The following NME7 variants were observed in gnomAD, a reference collection of about 807,000 sequenced individuals.
NME7 encodes the protein nucleoside diphosphate kinase 7.
In NME7, 41 loss-of-function variants were observed where a neutral mutation model predicts 49.1. The observed-to-expected ratio is 0.83, with a 90% CI of 0.65 to 1.08. The LOEUF is 1.08. Ranked by LOEUF, NME7 falls within the 50% of genes least tolerant of loss-of-function variation. The pLI is 0.00. For missense variants in NME7, 423 were observed against 463.4 expected, an observed-to-expected ratio of 0.91 and a Z score of 0.80; for synonymous variants, 139 against 150.6, an observed-to-expected ratio of 0.92 and a Z score of 0.56.
intron 11 of NME7, 66 bp from the exon 12 acceptor site, chr1:169,132,883 C>G (rs896786898): frequency 7.2e-7 from 1 of 1,385,940 alleles, no homozygotes; most frequent in Non-Finnish European, 1.0e-6. Flanking sequence ...TTAACAGAGT[C>G]CAAGAGGTTG....
chr1:169,297,832 G>A (rs1438858327), intron 6 of NME7, among the ~76,000 whole-genome samples: 1 of 152,166 alleles, frequency 6.6e-6, no homozygotes, highest in African/African-American at 2.4e-5. Flanking sequence ...GGAGGCTATT[G>A]TAGCAGTTCT....
At chr1:169,334,983 T>G (rs1652401755) in intron 1 of NME7, among the ~76,000 whole-genome samples, 1 of 152,092 alleles carries the variant, frequency 6.6e-6, no homozygotes, top group South Asian at 2.1e-4. Flanking sequence ...TCACTAATCA[T>G]CAGAGAAATG....
chr1:169,135,536 A>C (rs575943464), intron 11 of NME7, among the ~76,000 whole-genome samples: 2 of 152,348 alleles, frequency 1.3e-5, no homozygotes, highest in East Asian at 3.9e-4. Context: ...TTGAGTGAAT[A>C]AAGTGATCTT....
chr1:169,298,877 T>A, intron 5 of NME7, 114 bp from the exon 6 acceptor site: 1 of 903,720 alleles, frequency 1.1e-6, no homozygotes, highest in Non-Finnish European at 1.6e-6. Flanking sequence ...AATATTATAA[T>A]CTTAGAACCA....
rs554776000 is a variant in NME7 at position 169,172,700 on chromosome 1, C to T, written c.991-3146G>A. On this transcript the variant is annotated intron_variant, in intron 10 of 11. Transcript: ENST00000367811. ...TCCCCAGTGTGGCATTCAAGGTCCT[C>T]CCCATTCTTGCCTAAATCTACCTCA... Among the ~76,000 whole-genome samples the T allele has an allele frequency of 3.3e-5, 5 of 152,282 alleles. 1 individual carries two copies. Among genetic ancestry groups the T allele is most frequent in the African/African-American group, 1.2e-4 (5 of 41,556 alleles).
chr1:169,200,679 A>G (rs1407141833), intron 10 of NME7, among the ~76,000 whole-genome samples: 3 of 152,130 alleles, frequency 2.0e-5, no homozygotes, highest in Non-Finnish European at 2.9e-5. Context: ...CCTACAGTCC[A>G]CTGAAATTAT....
chr1:169,358,847 A>T (rs1653552423), intron 1 of NME7, among the ~76,000 whole-genome samples: 1 of 152,122 alleles, frequency 6.6e-6, no homozygotes, highest in African/African-American at 2.4e-5. Flanking sequence ...TTTTGGGAGT[A>T]GTCTGGCAAT....
intron 1 of NME7, among the ~76,000 whole-genome samples, chr1:169,352,853 T>C (rs1442407997): frequency 1.3e-5 from 2 of 151,866 alleles, no homozygotes; most frequent in African/African-American, 4.8e-5. Context: ...ACAAAAGAAG[T>C]GAAAGATTTA....
At chr1:169,240,620 T>C (rs545833349) in intron 7 of NME7, among the ~76,000 whole-genome samples, 1 of 152,168 alleles carries the variant, frequency 6.6e-6, no homozygotes, top group East Asian at 1.9e-4. Flanking sequence ...AATGAAACTA[T>C]GATATGACTC....
chr1:169,303,074 A>C (rs1412295062), intron 5 of NME7, 71 bp downstream of exon 5: 1 of 1,004,458 alleles, frequency 1.0e-6, no homozygotes, highest in East Asian at 2.7e-5. Flanking sequence ...AATAAATTTT[A>C]CAAATGTAAC....
At chr1:169,342,915 A>AG (rs1652814242) in intron 1 of NME7, among the ~76,000 whole-genome samples, 1 of 93,918 alleles carries the variant, frequency 1.1e-5, no homozygotes, top group African/African-American at 4.3e-5. Context: ...TATATAGTGT[A>AG]TATATATATA....
At chr1:169,168,745 A>G (rs1391318304) in intron 11 of NME7, 1 of 398,050 alleles carries the variant, frequency 2.5e-6, no homozygotes, top group Non-Finnish European at 4.9e-6. Flanking sequence ...AGCTTCATCG[A>G]TAACAAAAAG....
chr1:169,184,688 G>A (rs1346207497), intron 10 of NME7, among the ~76,000 whole-genome samples: 1 of 152,034 alleles, frequency 6.6e-6, no homozygotes, highest in African/African-American at 2.4e-5. Flanking sequence ...TATAATTTGT[G>A]AGGTACTGGG....
chr1:169,232,990 C>T (rs1647705654), intron 9 of NME7, among the ~76,000 whole-genome samples: 1 of 133,790 alleles, frequency 7.5e-6, no homozygotes, highest in Admixed American at 9.0e-5. Flanking sequence ...ACGATCTTGG[C>T]TCACTGCAAC....
chr1:169,279,767 C>A (rs1276217095), intron 7 of NME7, among the ~76,000 whole-genome samples: 1 of 152,220 alleles, frequency 6.6e-6, no homozygotes, highest in Non-Finnish European at 1.5e-5. Context: ...CAGAAATCAC[C>A]CATCTTCTGT....
intron 7 of NME7, among the ~76,000 whole-genome samples, chr1:169,264,959 A>C (rs1361334442): frequency 1.5e-5 from 2 of 133,644 alleles, no homozygotes; most frequent in East Asian, 4.0e-4. Context: ...CAGAAGGGGA[A>C]GCAAACATGT....
intron 10 of NME7, among the ~76,000 whole-genome samples, chr1:169,205,544 GCT>G (rs1660651892): frequency 6.6e-6 from 1 of 152,012 alleles, no homozygotes; most frequent in Admixed American, 6.6e-5. Flanking sequence ...CTCACAACCG[GCT>G]TATTCTTTTT....
chr1:169,290,016 A>C (rs1650437211), intron 6 of NME7, among the ~76,000 whole-genome samples: 3 of 152,024 alleles, frequency 2.0e-5, no homozygotes, highest in Admixed American at 2.0e-4. Context: ...GGAAAGAATA[A>C]ATATTTATAG....
At chr1:169,251,784 C>T (rs1182333471) in intron 7 of NME7, among the ~76,000 whole-genome samples, 1 of 146,768 alleles carries the variant, frequency 6.8e-6, no homozygotes, top group Non-Finnish European at 1.5e-5. Flanking sequence ...TTGTTCAATT[C>T]CCACCTATGA....
Sources: allele counts gnomAD v4.1 joint callset (sites outside exome capture counted in the v4.1 genomes callset), GRCh38; gene constraint gnomAD v4.1.1; transcripts MANE v1.5; gene names NCBI Gene and HGNC (gene_info 2026-07-23, HGNC 2026-07-21).